STRN3: variants seen among roughly 807,000 people sequenced by gnomAD.
The protein encoded by STRN3 is striatin-3.
Under a neutral mutation model 95.6 loss-of-function variants are expected in STRN3, and 29 were observed. The ratio of observed to expected loss-of-function variants is 0.30; its 90% CI spans 0.23 to 0.41. The LOEUF (loss-of-function observed/expected upper bound fraction) is 0.41, where lower values mean the gene tolerates loss of function less well. Among genes scored for constraint, STRN3 ranks in the 10% least tolerant of loss-of-function variants. The pLI is 1.00. For missense variants in STRN3, 890 were observed against 972.1 expected (o/e 0.92, Z 1.12); for synonymous variants, 331 against 357.6 (o/e 0.93, Z 0.84).
intron 1 of STRN3, among the ~76,000 whole-genome samples, chr14:30,994,676 G>A (rs1882117450): frequency 6.6e-6 from 1 of 152,164 alleles, no homozygotes. Flanking sequence ...AACAGGTGAT[G>A]TGGTTTTGCT....
intron 1 of STRN3, among the ~76,000 whole-genome samples, chr14:31,000,441 G>C (rs1882393218): frequency 6.6e-6 from 1 of 151,280 alleles, no homozygotes; most frequent in South Asian, 2.1e-4. Context: ...ATTAAAATGG[G>C]TATTAATCCT....
chr14:31,003,065 C>T (rs1168231635), intron 1 of STRN3, among the ~76,000 whole-genome samples: 1 of 151,816 alleles, frequency 6.6e-6, no homozygotes, highest in Non-Finnish European at 1.5e-5. Flanking sequence ...AGATTGAGAC[C>T]ATCCTGGCCA....
intron 1 of STRN3, among the ~76,000 whole-genome samples, chr14:31,013,871 TATTA>T (rs1566493181): frequency 4.4e-4 from 23 of 52,038 alleles, no homozygotes; most frequent in East Asian, 3.8e-3. Context: ...ATTTTATTAT[TATTA>T]TTATTATTAT....
In STRN3 at chr14:30,902,519, G is replaced by A; in HGVS notation, c.2137+17C>T. The A allele has an allele frequency of 6.7e-7, 1 of 1,497,778 alleles. No homozygotes were observed. Among genetic ancestry groups the A allele is most frequent in the Non-Finnish European group, 9.2e-7 (1 of 1,089,648 alleles). The allele number at this position is 1,497,778 out of a possible 1,614,324, so 92.8% of individuals were successfully genotyped here. ...ATTTACAGTATTACTAATATGAAAA[G>A]AAGACAATTTGCTTACCCGTTTTAT... On this transcript the variant is annotated intron_variant, in intron 16 of 17. Transcript: ENST00000357479.
intron 1 of STRN3, among the ~76,000 whole-genome samples, chr14:30,971,882 T>C (rs1367577984): frequency 6.6e-6 from 1 of 152,150 alleles, no homozygotes; most frequent in Non-Finnish European, 1.5e-5. Flanking sequence ...CATCCGTAAG[T>C]AGATGCAGAG....
At chr14:31,012,922 C>G (rs1883037725) in intron 1 of STRN3, among the ~76,000 whole-genome samples, 1 of 151,450 alleles carries the variant, frequency 6.6e-6, no homozygotes, top group Non-Finnish European at 1.5e-5. Context: ...TAAGGATGCT[C>G]TCTATTAGCA....
intron 1 of STRN3, among the ~76,000 whole-genome samples, chr14:30,998,768 G>GA (rs71112371): frequency 1 from 152,178 of 152,352 alleles, 76,002 homozygotes; most frequent in Non-Finnish European, 1. Context: ...TAACCCTGGG[G>GA]GGTGGGTGAA....
In STRN3 at chr14:31,026,215, G is replaced by T. The variant is rs1397941495; in HGVS notation, c.-30C>A. 7.2e-7 allele frequency: 1 copy of T among 1,385,980 alleles called. No individual in the cohort carries two copies. Among genetic ancestry groups the T allele is most frequent in the South Asian group, 1.6e-5 (1 of 61,764 alleles). The allele number at this position is 1,385,980 out of a possible 1,614,324, so 85.9% of individuals were successfully genotyped here. A position where few individuals can be genotyped will look rare whatever the true frequency, so the allele number is the denominator to read the frequency against. On this transcript the variant is annotated 5_prime_UTR_variant, in exon 1 of 18. Transcript: ENST00000357479. ...TGTGGGGCCCCGGCCGGGGCGCAGG[G>T]CGAGACGCCGACAGCTGGGGGAAGG...
intron 4 of STRN3, among the ~76,000 whole-genome samples, chr14:30,949,402 G>A (rs577020432): frequency 1.6e-4 from 25 of 152,284 alleles, no homozygotes; most frequent in African/African-American, 6.0e-4. Flanking sequence ...CACGACGTCA[G>A]GAGATCAAGA....
chr14:30,895,558 T>C lies in STRN3; in HGVS notation c.2247A>G (p.Leu749=). The change falls in exon 18 of 18, where the codon TTA becomes TTG. Residue 749 remains leucine, a synonymous_variant. Coordinates refer to ENST00000357479, the MANE Select transcript of STRN3 (RefSeq NM_001083893.2). ...MSGSHDCSIR[L]WNLDSKTCVQ... is the part of the protein sequence containing the mutation. ...CACATGTCTTGCTGTCTAAATTCCATAATCTGATGGAACAGTCATGGCCTG... is the reference window on the plus strand; with the variant it reads ...CACATGTCTTGCTGTCTAAATTCCACAATCTGATGGAACAGTCATGGCCTG... 1.9e-6 allele frequency: 3 copies of C among 1,613,872 alleles called. No individual in the cohort carries two copies. The highest frequency in any genetic ancestry group is 2.5e-6 in the Non-Finnish European group (3 of 1,179,848).
intron 16 of STRN3, among the ~76,000 whole-genome samples, chr14:30,899,898 A>G (rs1294863477): frequency 6.6e-6 from 1 of 152,246 alleles, no homozygotes; most frequent in African/African-American, 2.4e-5. Context: ...GAACCTATTC[A>G]TAGCATAAAG....
chr14:30,940,877 A>G (rs1594468374), intron 5 of STRN3, among the ~76,000 whole-genome samples: 1 of 152,136 alleles, frequency 6.6e-6, no homozygotes, highest in Non-Finnish European at 1.5e-5. Flanking sequence ...CATGGGTGCC[A>G]TGGTCTGAAT....
chr14:30,986,856 G>A (rs371588357), intron 1 of STRN3, among the ~76,000 whole-genome samples: 2 of 152,084 alleles, frequency 1.3e-5, no homozygotes, highest in Non-Finnish European at 2.9e-5. Context: ...AAAATCAATG[G>A]TGAATTTCAT....
intron 5 of STRN3, among the ~76,000 whole-genome samples, chr14:30,943,650 T>C (rs1018758606): frequency 1.3e-5 from 2 of 151,936 alleles, no homozygotes; most frequent in Non-Finnish European, 2.9e-5. Flanking sequence ...CATCAACAGG[T>C]AAAGAAATAA....
intron 1 of STRN3, among the ~76,000 whole-genome samples, chr14:31,013,096 CA>C (rs1883045457): frequency 6.6e-6 from 1 of 151,550 alleles, no homozygotes; most frequent in Non-Finnish European, 1.5e-5. Flanking sequence ...CCCATCTCTA[CA>C]AAACAGTTAA....
At chr14:30,921,107 CT>C (rs1896873853) in intron 8 of STRN3, among the ~76,000 whole-genome samples, 1 of 151,266 alleles carries the variant, frequency 6.6e-6, no homozygotes, top group East Asian at 1.9e-4. Context: ...CACACACACA[CT>C]TCCTTATCTT....
chr14:31,013,956 G>A (rs1029139384), intron 1 of STRN3, among the ~76,000 whole-genome samples: 1 of 140,758 alleles, frequency 7.1e-6, no homozygotes, highest in African/African-American at 2.9e-5. Context: ...AGACTAGAGT[G>A]CAGTGGTGAG....
chr14:30,950,738 A>T, intron 4 of STRN3, 125 bp downstream of exon 4: 1 of 873,672 alleles, frequency 1.1e-6, no homozygotes, highest in Non-Finnish European at 1.7e-6. Context: ...CTACACAGCA[A>T]AAAAAGCAGC....
At chr14:30,939,417 A>G (rs1227169504) in intron 5 of STRN3, among the ~76,000 whole-genome samples, 1 of 152,164 alleles carries the variant, frequency 6.6e-6, no homozygotes, top group Non-Finnish European at 1.5e-5. Flanking sequence ...GTTGATGAAG[A>G]GTAGAAAAAG....
Sources: gnomAD v4.1 joint callset for allele counts (sites outside exome capture counted in the v4.1 genomes callset) on GRCh38, gnomAD v4.1.1 for gene constraint, MANE v1.5 for transcripts, NCBI Gene and HGNC (gene_info 2026-07-23, HGNC 2026-07-21) for gene names.